MLLT6: variants seen among roughly 807,000 people sequenced by gnomAD.
MLLT6 encodes MLLT6, PHD finger containing.
MLLT6 carries 22 observed loss-of-function variants against 103.0 expected under a neutral mutation model. The observed-to-expected ratio is 0.21, with a 90% CI of 0.15 to 0.31. The LOEUF is 0.31. MLLT6 is among the 10% of genes least tolerant of loss of function. The pLI is 1.00. For missense variants in MLLT6, 1,199 were observed against 1,441.7 expected (o/e 0.83, Z 2.73); for synonymous variants, 606 against 623.5 (o/e 0.97, Z 0.42).
Position 38,711,973 on chromosome 17 carries a change from CAGG to C in MLLT6, c.682_684del (p.Glu228del), listed in dbSNP as rs1905157012. On this transcript the variant is annotated inframe_deletion, in exon 7 of 20. Coordinates refer to ENST00000621332, the MANE Select transcript of MLLT6 (RefSeq NM_005937.4). ...CCGGTCAGCCTCACCATCCACGCAGCAGGAGAAGCACCCCACCCACCACGAGAG... is the reference window on the plus strand; with the variant it reads ...CCGGTCAGCCTCACCATCCACGCAGCAGAAGCACCCCACCCACCACGAGAG... 6.2e-7 allele frequency: 1 copy of C among 1,606,238 alleles called. No homozygotes were observed. The highest frequency in any genetic ancestry group is 8.5e-7 in the Non-Finnish European group (1 of 1,175,698).
At chr17:38,719,228 A>G (rs991453740) in intron 12 of MLLT6, 8 of 480,950 alleles carry the variant, frequency 1.7e-5, no homozygotes, top group Middle Eastern at 1.1e-3. Flanking sequence ...TCAAATTTCT[A>G]TAACTCTGAA....
intron 10 of MLLT6, 93 bp downstream of exon 10, chr17:38,717,074 G>A: frequency 6.5e-7 from 1 of 1,539,970 alleles, no homozygotes; most frequent in Non-Finnish European, 8.7e-7. Context: ...AAATGGGATG[G>A]ATACCACTCC....
At position 38,717,627 on chromosome 17, in the gene MLLT6, C is replaced by T; in HGVS notation, c.1833+14C>T. Reference sequence around the variant, plus strand: ...TCCACCACTCAGGTGAGACCTGACTCCTGGGCTCCTCCTTCCCTGGGCAGG... The same window carrying T: ...TCCACCACTCAGGTGAGACCTGACTTCTGGGCTCCTCCTTCCCTGGGCAGG... On this transcript the variant is annotated intron_variant, in intron 11 of 19. Transcript: ENST00000621332. 6.2e-7 allele frequency: 1 copy of T among 1,610,552 alleles called. No individual in the cohort carries two copies. The highest frequency in any genetic ancestry group is 8.5e-7 in the Non-Finnish European group (1 of 1,177,888).
intron 17 of MLLT6, 44 bp from the exon 18 acceptor site, chr17:38,722,634 T>TGTGGGGGGGGGGGGGGGGGG: frequency 1.9e-6 from 1 of 532,160 alleles, no homozygotes; most frequent in Non-Finnish European, 3.6e-6. Context: ...CCCTCCCCCA[T>TGTGGGGGGGGGGGGGGGGGG]GGTCTGTGTG....
At chr17:38,720,154 G>T (rs1463019162) in intron 14 of MLLT6, 2 of 688,942 alleles carry the variant, frequency 2.9e-6, no homozygotes, top group Non-Finnish European at 4.8e-6. Flanking sequence ...CTCCTGACCC[G>T]TGTGGCCTCG....
rs1905913373 is a variant in MLLT6, at chr17:38,724,363, G to T, written c.2884-257G>T. On this transcript the variant is annotated intron_variant, in intron 18 of 19. Transcript: ENST00000621332. The surrounding 1 kb of genome is among the most constrained non-coding windows in gnomAD (Gnocchi z 5.4). ...GCTGAGGGGTGATTCTGTGGGCAGG[G>T]CCAGAGATATTAAATACCCTGCTGT... 1 of 463,930 alleles carries T rather than the reference G, an allele frequency of 2.2e-6. No individual in the cohort carries two copies. The highest frequency in any genetic ancestry group is 2.0e-5 in the African/African-American group (1 of 49,948). 28.7% of individuals were successfully genotyped at this position (463,930 alleles called of 1,614,324 possible). A position where few individuals can be genotyped will look rare whatever the true frequency, so the allele number is the denominator to read the frequency against.
Position 38,712,702 on chromosome 17 carries a change from CAAAG to C in MLLT6, c.735_738del (p.Lys245AsnfsTer63), listed in dbSNP as rs1905185417. ...CTCTCCCTCTCCAGAGTCGAAAGGACAAAGAACGCCTTAAGCAGAAGCACAAGAA... is the reference window on the plus strand; with the variant it reads ...CTCTCCCTCTCCAGAGTCGAAAGGACAACGCCTTAAGCAGAAGCACAAGAA... On this transcript the variant is annotated frameshift_variant, in exon 8 of 20. Transcript: ENST00000621332. LOFTEE classifies it high-confidence loss of function. The C allele has an allele frequency of 6.2e-7, 1 of 1,613,302 alleles. No individual in the cohort carries two copies.
At chr17:38,725,368 C>A in intron 19 of MLLT6, 189 bp from the exon 20 acceptor site, 1 of 597,644 alleles carries the variant, frequency 1.7e-6, no homozygotes, top group South Asian at 2.1e-5. Context: ...GCCCGGTGCT[C>A]TTCTGCAGGG....
At position 38,722,738 on chromosome 17, in the gene MLLT6, G is replaced by A. The variant is rs1212883299; in HGVS notation, c.2853G>A (p.Gln951=). 2 of 1,567,406 alleles carry A rather than the reference G, an allele frequency of 1.3e-6. No individual in the cohort carries two copies. Among genetic ancestry groups the A allele is most frequent in the Admixed American group, 1.8e-5 (1 of 56,208 alleles). ...AAGAGCAGCAGCTCCAGCAACTCCA[G>A]CAGCTCCTGGCCTCCCCGCAGCTGA... ...QQQEQQLQQL[Q]QLLASPQLTP... is the part of the protein sequence containing the mutation. The change falls in exon 18 of 20, where the codon CAG becomes CAA. Residue 951 remains glutamine (Q), a synonymous_variant. Transcript: ENST00000621332.
chr17:38,717,077 A>C lies in MLLT6; in HGVS notation c.1651+96A>C. On this transcript the variant is annotated intron_variant, in intron 10 of 19. Transcript: ENST00000621332. Reference sequence around the variant, plus strand: ...GCACTTAGAAGGAAATGGGATGGATACCACTCCAAAAGATAGAGCACGGAG... The same window carrying C: ...GCACTTAGAAGGAAATGGGATGGATCCCACTCCAAAAGATAGAGCACGGAG... The C allele has an allele frequency of 2.6e-6, 4 of 1,532,522 alleles. No individual in the cohort carries two copies. The South Asian group carries it at 4.9e-5, about 19-fold the overall frequency. The allele number at this position is 1,532,522 out of a possible 1,614,324, so 94.9% of individuals were successfully genotyped here.
Position 38,722,758 on chromosome 17 carries a change from A to G in MLLT6, c.2873A>G (p.Gln958Arg). Residue 958 changes from glutamine (Q) to arginine (R), a missense_variant, in exon 18 of 20, where the codon CAG becomes CGG. Physicochemically the swap from Gln to Arg is conservative, Grantham distance 43 (BLOSUM62 1). Coordinates refer to ENST00000621332, the MANE Select transcript of MLLT6 (RefSeq NM_005937.4). ...CTCCAGCAGCTCCTGGCCTCCCCGC[A>G]GCTGACCCCGGTAATGCCCCTCCCT... ...QQLQQLLASPQLTPEHQTVVY... is the reference protein window; with the variant it reads ...QQLQQLLASPRLTPEHQTVVY... 1.3e-6 allele frequency: 2 copies of G among 1,548,962 alleles called. No homozygotes were observed. The highest frequency in any genetic ancestry group is 1.8e-6 in the Non-Finnish European group (2 of 1,140,236).
intron 8 of MLLT6, among the ~76,000 whole-genome samples, chr17:38,715,147 G>C (rs923539542): frequency 1.3e-5 from 2 of 152,194 alleles, no homozygotes; most frequent in African/African-American, 4.8e-5. Flanking sequence ...GGAAAGCCAG[G>C]GGGCCGAAGT....
In MLLT6 at chr17:38,709,268, C is replaced by T. The variant is rs368494849; in HGVS notation, c.450C>T (p.His150=). The part of the protein sequence containing the change: ...CNRHGCRQAF[H]VTCAQMAGLL... ...GCCATGGATGTCGACAAGCTTTCCA[C>T]GTCACCTGGTGAGACCCCTGTCCCA... Residue 150 remains histidine (H), a synonymous_variant, in exon 5 of 20, where the codon CAC becomes CAT. Coordinates refer to ENST00000621332, the MANE Select transcript of MLLT6 (RefSeq NM_005937.4). The surrounding 1 kb of genome is among the most constrained non-coding windows in gnomAD (Gnocchi z 4.3). 50 of 1,613,690 alleles carry T rather than the reference C, an allele frequency of 3.1e-5. No individual in the cohort carries two copies. Among genetic ancestry groups the T allele is most frequent in the African/African-American group, 9.3e-5 (7 of 75,058 alleles).
rs376450402 is a variant in MLLT6 at position 38,725,976 on chromosome 17, A to G, written c.*378A>G. On this transcript the variant is annotated 3_prime_UTR_variant, in exon 20 of 20. Transcript: ENST00000621332. ...ATGGATCAGCACTTGAATGGGGAGA[A>G]GTGGAGGGAGAGGCCCTGGGCCTGT... 1.6e-3 allele frequency: 471 copies of G among 291,376 alleles called. 9 individuals are homozygous for G. The East Asian group carries it at 0.024, about 15-fold the overall frequency. The allele number at this position is 291,376 out of a possible 1,614,324, so 18.0% of individuals were successfully genotyped here. A position where few individuals can be genotyped will look rare whatever the true frequency, so the allele number is the denominator to read the frequency against.
At chr17:38,718,157 C>A in intron 12 of MLLT6, 1 of 480,008 alleles carries the variant, frequency 2.1e-6, no homozygotes, top group Non-Finnish European at 3.7e-6. Context: ...GGTGGATCAC[C>A]TGAGATCAGG....
intron 8 of MLLT6, chr17:38,713,389 T>C (rs893515784): frequency 2.3e-5 from 7 of 310,636 alleles, no homozygotes; most frequent in Non-Finnish European, 3.5e-5. Flanking sequence ...GAATTGCTAA[T>C]CCAAGCTGGA....
At chr17:38,707,224 A>G (rs373340645) in intron 2 of MLLT6, among the ~76,000 whole-genome samples, 195 bp downstream of exon 2, 1 of 152,154 alleles carries the variant, frequency 6.6e-6, no homozygotes, top group Admixed American at 6.5e-5. Context: ...CACCTCAGGC[A>G]TGGGGCTTTG....
intron 8 of MLLT6, chr17:38,714,172 A>T (rs1905237188): frequency 6.6e-6 from 1 of 152,230 alleles, no homozygotes; most frequent in Non-Finnish European, 1.5e-5. Flanking sequence ...TAATATATGA[A>T]GATGATGGGG....
At position 38,711,994 on chromosome 17, in the gene MLLT6, C is replaced by A; in HGVS notation, c.700C>A (p.His234Asn). The change falls in exon 7 of 20, where the codon CAC (histidine) becomes AAC (asparagine). Residue 234 changes from histidine to asparagine, a missense_variant. Physicochemically the swap from His to Asn is moderately conservative, Grantham distance 68. Transcript: ENST00000621332. ...STQQEKHPTHHERGQKKSRKD... is the reference protein window; with the variant it reads ...STQQEKHPTHNERGQKKSRKD... The stretch of plus-strand genomic sequence containing the variant: ...GCAGCAGGAGAAGCACCCCACCCAC[C>A]ACGAGAGGGGCCAGAAGAAGGTAGA... The A allele has an allele frequency of 6.3e-7, 1 of 1,593,404 alleles. No individual in the cohort carries two copies. Among genetic ancestry groups the A allele is most frequent in the Non-Finnish European group, 8.6e-7 (1 of 1,168,854 alleles).
Sources: allele counts gnomAD v4.1 joint callset (sites outside exome capture counted in the v4.1 genomes callset), GRCh38; gene constraint gnomAD v4.1.1; non-coding constraint Gnocchi (gnomAD v3.1); transcripts MANE v1.5; gene names NCBI Gene and HGNC (gene_info 2026-07-23, HGNC 2026-07-21).